Variants in DIAPH2 observed in about 807,000 individuals in gnomAD.
DIAPH2 encodes protein diaphanous homolog 2.
In DIAPH2, 35 loss-of-function variants were observed where a neutral mutation model predicts 92.7. The observed-to-expected ratio is 0.38, with a 90% CI of 0.29 to 0.50. The LOEUF (loss-of-function observed/expected upper bound fraction) is 0.50. Ranked by LOEUF, DIAPH2 falls within the 20% of genes least tolerant of loss-of-function variation. DIAPH2 has a pLI of 0.94. For missense variants in DIAPH2, 701 were observed against 819.5 expected (o/e 0.86, Z 1.77); for synonymous variants, 301 against 280.4 (o/e 1.07, Z -0.73).
intron 1 of DIAPH2, among the ~76,000 whole-genome samples, chrX:96,705,288 G>A (rs2063879107): frequency 1.8e-5 from 2 of 111,585 alleles, no homozygotes; most frequent in Admixed American, 1.9e-4. Context: ...TTTTGAGGCT[G>A]CAGTGAGCTA....
intron 22 of DIAPH2, among the ~76,000 whole-genome samples, chrX:97,242,797 A>T (rs768486209): frequency 1.2e-4 from 13 of 107,838 alleles, no homozygotes; most frequent in East Asian, 5.9e-4. Flanking sequence ...TTATTTATTT[A>T]TTTTTTTGAG....
chrX:96,825,856 A>G (rs971174247), intron 4 of DIAPH2, among the ~76,000 whole-genome samples: 144 of 111,111 alleles, frequency 1.3e-3, no homozygotes, highest in African/African-American at 4.6e-3. Context: ...GTTCCTGAGT[A>G]GTTTCCTGAA....
chrX:96,942,834 A>G (rs780038821), intron 13 of DIAPH2, among the ~76,000 whole-genome samples: 80 of 110,269 alleles, frequency 7.3e-4, no homozygotes, highest in African/African-American at 2.4e-3. Context: ...TGGAATCACT[A>G]TTGTTAAGGT....
chrX:97,178,533 A>C (rs1225142368), intron 22 of DIAPH2, among the ~76,000 whole-genome samples: 1 of 97,992 alleles, frequency 1.0e-5, no homozygotes, highest in Admixed American at 1.2e-4. Context: ...GCTCACTGCA[A>C]GCTCCACCTC....
chrX:96,959,718 C>T (rs2147818892), intron 16 of DIAPH2, among the ~76,000 whole-genome samples: 1 of 111,325 alleles, frequency 9.0e-6, no homozygotes, highest in African/African-American at 3.3e-5. Context: ...GAGCATTTGT[C>T]TTGTTTTCTT....
intron 21 of DIAPH2, among the ~76,000 whole-genome samples, chrX:97,137,301 ATG>A (rs1293367063): frequency 7.5e-5 from 7 of 93,122 alleles, no homozygotes; most frequent in South Asian, 5.3e-4. Flanking sequence ...ATATATATAT[ATG>A]TATAGAATTA....
chrX:96,816,749 G>A (rs1484172940), intron 4 of DIAPH2, among the ~76,000 whole-genome samples: 1 of 112,280 alleles, frequency 8.9e-6, no homozygotes, highest in East Asian at 2.8e-4. Context: ...AAGGAAATCA[G>A]TATATTGAAG....
chrX:97,158,100 C>T (rs759332375), intron 22 of DIAPH2, among the ~76,000 whole-genome samples: 49 of 112,000 alleles, frequency 4.4e-4, no homozygotes, highest in African/African-American at 1.4e-3. Context: ...GAACCATAAT[C>T]AGTTAGTCAT....
intron 5 of DIAPH2, among the ~76,000 whole-genome samples, chrX:96,883,327 A>G (rs2065232302): frequency 1.8e-5 from 2 of 111,251 alleles, no homozygotes. Flanking sequence ...AATCGTTGAA[A>G]GACGATTGTC....
At chrX:97,400,665 C>T (rs2069747394) in intron 25 of DIAPH2, among the ~76,000 whole-genome samples, 1 of 93,931 alleles carries the variant, frequency 1.1e-5, no homozygotes, top group Admixed American at 1.2e-4. Context: ...ACTCTTTAAC[C>T]AACATCTGCC....
intron 25 of DIAPH2, among the ~76,000 whole-genome samples, chrX:97,426,078 A>G (rs2070060781): frequency 9.1e-6 from 1 of 110,270 alleles, no homozygotes. Flanking sequence ...TTTCTTAGAT[A>G]TATAAAATAG....
chrX:97,575,717 G>C (rs2071396078), intron 26 of DIAPH2, among the ~76,000 whole-genome samples: 1 of 112,018 alleles, frequency 8.9e-6, no homozygotes, highest in Non-Finnish European at 1.9e-5. Flanking sequence ...TGAAGCTGTA[G>C]CTTAGAGCCT....
intron 5 of DIAPH2, among the ~76,000 whole-genome samples, chrX:96,885,932 A>T (rs1473544194): frequency 8.9e-6 from 1 of 111,872 alleles, no homozygotes; most frequent in Non-Finnish European, 1.9e-5. Context: ...AGCTCATAGG[A>T]ATATGAAACT....
chrX:96,753,294 A>G (rs1437204736), intron 3 of DIAPH2, among the ~76,000 whole-genome samples: 1 of 112,145 alleles, frequency 8.9e-6, no homozygotes, highest in Non-Finnish European at 1.9e-5. Context: ...AGGGATTTTG[A>G]TGAAAACAAA....
intron 26 of DIAPH2, among the ~76,000 whole-genome samples, chrX:97,476,553 T>C (rs1460863553): frequency 8.9e-6 from 1 of 111,828 alleles, no homozygotes; most frequent in Non-Finnish European, 1.9e-5. Context: ...ATGTAACCAA[T>C]ATTTAAGAGC....
At chrX:96,942,254 A>G in intron 13 of DIAPH2, 118 bp downstream of exon 13, 2 of 479,351 alleles carry the variant, frequency 4.2e-6, no homozygotes, top group Non-Finnish European at 7.3e-6. Context: ...TTCTATTCAT[A>G]TCTGGTAAAT....
chrX:96,741,455 A>G (rs937636705), intron 3 of DIAPH2, among the ~76,000 whole-genome samples: 4 of 98,614 alleles, frequency 4.1e-5, no homozygotes, highest in African/African-American at 1.5e-4. Flanking sequence ...CCCATGGTCA[A>G]TTCTCAGTTC....
chrX:96,804,815 A>G (rs1444627099), intron 4 of DIAPH2, among the ~76,000 whole-genome samples: 1 of 111,678 alleles, frequency 9.0e-6, no homozygotes, highest in Non-Finnish European at 1.9e-5. Context: ...TGAAAAAGTA[A>G]TTGCTCTGGG....
At chrX:97,109,180 A>C (rs1219471138) in intron 20 of DIAPH2, among the ~76,000 whole-genome samples, 1 of 111,478 alleles carries the variant, frequency 9.0e-6, no homozygotes, top group Non-Finnish European at 1.9e-5. Context: ...GCACTTTGGA[A>C]GGCCCAGGTG....
Sources: gnomAD v4.1 joint callset for allele counts (sites outside exome capture counted in the v4.1 genomes callset) on GRCh38, gnomAD v4.1.1 for gene constraint, MANE v1.5 for transcripts, NCBI Gene and HGNC (gene_info 2026-07-23, HGNC 2026-07-21) for gene names.